TNFRSF21: variants seen among roughly 807,000 people sequenced by gnomAD.
TNFRSF21 encodes the protein tumor necrosis factor receptor superfamily member 21.
TNFRSF21 carries 19 observed loss-of-function variants against 45.6 expected under a neutral mutation model. The ratio of observed to expected loss-of-function variants is 0.42; its 90% CI spans 0.29 to 0.61. TNFRSF21 has a LOEUF of 0.61. Ranked by LOEUF, TNFRSF21 falls within the 20% of genes least tolerant of loss-of-function variation. The pLI is 0.23. For synonymous variants in TNFRSF21, 314 were observed against 335.5 expected (o/e 0.94, Z 0.70); for missense variants, 737 against 851.5 (o/e 0.87, Z 1.67).
chr6:47,277,283 C>T (rs1488532792), intron 3 of TNFRSF21, among the ~76,000 whole-genome samples: 2 of 152,228 alleles, frequency 1.3e-5, no homozygotes, highest in Admixed American at 6.5e-5. Flanking sequence ...TGAGCCACTG[C>T]GCCCAACCCC....
intron 4 of TNFRSF21, among the ~76,000 whole-genome samples, chr6:47,242,354 T>G (rs1235054869): frequency 6.6e-6 from 1 of 152,184 alleles, no homozygotes; most frequent in Admixed American, 6.5e-5. Context: ...GTTTCTCGCT[T>G]AAATACCCCA....
At chr6:47,245,544 G>T (rs9473034) in intron 4 of TNFRSF21, among the ~76,000 whole-genome samples, 71 of 150,848 alleles carry the variant, frequency 4.7e-4, no homozygotes, top group Non-Finnish European at 8.9e-4. Flanking sequence ...TTCTCCTTAC[G>T]ATCTGCATAC....
chr6:47,273,158 A>T (rs1762451586), intron 3 of TNFRSF21, among the ~76,000 whole-genome samples: 1 of 152,240 alleles, frequency 6.6e-6, no homozygotes, highest in African/African-American at 2.4e-5. Flanking sequence ...TCCCTAACTC[A>T]TTTTATGAGG....
chr6:47,270,418 G>A (rs1762398230), intron 3 of TNFRSF21, among the ~76,000 whole-genome samples: 1 of 152,154 alleles, frequency 6.6e-6, no homozygotes, highest in Non-Finnish European at 1.5e-5. Context: ...TGCAGCTGAG[G>A]GACCTGACTG....
chr6:47,296,819 T>C (rs949596936), intron 1 of TNFRSF21, among the ~76,000 whole-genome samples: 2 of 152,192 alleles, frequency 1.3e-5, no homozygotes, highest in Non-Finnish European at 2.9e-5. Flanking sequence ...GTATCCTTTA[T>C]TATATCTTTT....
Position 47,253,499 on chromosome 6 carries a change from T to A in TNFRSF21, c.1266A>T (p.Val422=). The A allele has an allele frequency of 6.2e-7, 1 of 1,612,576 alleles. No homozygotes were observed. Among genetic ancestry groups the A allele is most frequent in the Non-Finnish European group, 8.5e-7 (1 of 1,179,970 alleles). The change falls in exon 4 of 6, where the codon GTA becomes GTT. Residue 422 remains valine (V), a synonymous_variant. Transcript: ENST00000296861. ...NGHGIDILKL[V]AAQVGSQWKD... is the part of the protein sequence containing the mutation. The stretch of plus-strand genomic sequence containing the variant: ...TCCACTGGCTTCCCACTTGGGCTGC[T>A]ACAAGCTTCAGGATATCGATACCTA...
intron 3 of TNFRSF21, among the ~76,000 whole-genome samples, chr6:47,277,697 A>G (rs1762517233): frequency 6.6e-6 from 1 of 152,320 alleles, no homozygotes; most frequent in East Asian, 1.9e-4. Context: ...ATTCTAATGC[A>G]TTTTTTAAAA....
At chr6:47,285,094 GC>G (rs994671698) in intron 2 of TNFRSF21, among the ~76,000 whole-genome samples, 4 of 152,186 alleles carry the variant, frequency 2.6e-5, no homozygotes, top group Admixed American at 2.0e-4. Context: ...AGCTAGAGTG[GC>G]CATCTGAGCT....
intron 1 of TNFRSF21, among the ~76,000 whole-genome samples, chr6:47,291,764 A>G (rs557374025): frequency 1.3e-5 from 2 of 152,320 alleles, no homozygotes; most frequent in African/African-American, 4.8e-5. Context: ...AAGTCTGAAA[A>G]TCACTGAACT....
At chr6:47,244,475 T>G (rs1225742128) in intron 4 of TNFRSF21, among the ~76,000 whole-genome samples, 1 of 152,202 alleles carries the variant, frequency 6.6e-6, no homozygotes, top group African/African-American at 2.4e-5. Context: ...CTGTGATTAT[T>G]TTGTCTTTTG....
intron 4 of TNFRSF21, among the ~76,000 whole-genome samples, chr6:47,242,149 A>G (rs1397125379): frequency 6.6e-6 from 1 of 152,194 alleles, no homozygotes; most frequent in African/African-American, 2.4e-5. Context: ...AGCCTGCAGA[A>G]CAAACTCACC....
chr6:47,301,051 T>C (rs998296193), intron 1 of TNFRSF21, among the ~76,000 whole-genome samples: 1 of 152,184 alleles, frequency 6.6e-6, no homozygotes, highest in Non-Finnish European at 1.5e-5. Context: ...TAAAGAGAAT[T>C]CTACACCCAC....
At position 47,305,189 on chromosome 6, in the gene TNFRSF21, G is replaced by A. The variant is rs190725624; in HGVS notation, c.96+4227C>T. Among the ~76,000 whole-genome samples, 18 of 152,294 alleles carry A rather than the reference G, an allele frequency of 1.2e-4. No individual in the cohort carries two copies. The East Asian group carries it at 3.5e-3, about 29-fold the overall frequency. The stretch of plus-strand genomic sequence containing the variant: ...CCCAACCAGCACTGGTGATGGCCAT[G>A]CTCATTTTATATACCATACGAATTG... On this transcript the variant is annotated intron_variant, in intron 1 of 5. Coordinates refer to ENST00000296861, the MANE Select transcript of TNFRSF21 (RefSeq NM_014452.5).
intron 4 of TNFRSF21, 77 bp from the exon 5 acceptor site, chr6:47,234,975 T>A (rs1346976674): frequency 1.2e-6 from 1 of 861,624 alleles, no homozygotes; most frequent in African/African-American, 1.8e-5. Context: ...CAGAGGCTAT[T>A]TTTTTTGTTC....
chr6:47,252,186 G>C (rs1764909704), intron 4 of TNFRSF21, among the ~76,000 whole-genome samples: 1 of 152,138 alleles, frequency 6.6e-6, no homozygotes, highest in Admixed American at 6.5e-5. Flanking sequence ...GAAATACTTT[G>C]ATACACAAAA....
At chr6:47,261,904 C>T (rs1265071343) in intron 3 of TNFRSF21, among the ~76,000 whole-genome samples, 1 of 152,224 alleles carries the variant, frequency 6.6e-6, no homozygotes, top group African/African-American at 2.4e-5. Flanking sequence ...ATACCAACAG[C>T]AGTAACTTCC....
At chr6:47,233,314 A>C in intron 5 of TNFRSF21, among the ~76,000 whole-genome samples, 1 of 152,238 alleles carries the variant, frequency 6.6e-6, no homozygotes, top group East Asian at 1.9e-4. Flanking sequence ...ATTATTTTAG[A>C]ATTCAGAAGG....
chr6:47,309,486 G>C lies in TNFRSF21; in HGVS notation c.26C>G (p.Thr9Ser). The change falls in exon 1 of 6, where the codon ACC becomes AGC. Residue 9 changes from threonine (T) to serine (S), a missense_variant. Physicochemically the swap from Thr to Ser is moderately conservative, Grantham distance 58. Coordinates refer to ENST00000296861, the MANE Select transcript of TNFRSF21 (RefSeq NM_014452.5). ...GATGCGGCTGCAGGAGGCGAGGGCGGTGCTGCTGCTCGGAGAGGTCCCCAT... is the reference window on the plus strand; with the variant it reads ...GATGCGGCTGCAGGAGGCGAGGGCGCTGCTGCTGCTCGGAGAGGTCCCCAT... MGTSPSSSTALASCSRIAR... is the reference protein window; with the variant it reads MGTSPSSSSALASCSRIAR... The C allele has an allele frequency of 6.6e-7, 1 of 1,523,520 alleles. No homozygotes were observed. Among genetic ancestry groups the C allele is most frequent in the Non-Finnish European group, 8.7e-7 (1 of 1,142,900 alleles). 94.4% of individuals were successfully genotyped at this position (1,523,520 alleles called of 1,614,324 possible).
chr6:47,256,354 T>C (rs1161189662), intron 3 of TNFRSF21, among the ~76,000 whole-genome samples: 4 of 152,194 alleles, frequency 2.6e-5, no homozygotes, highest in African/African-American at 7.2e-5. Flanking sequence ...TGAAAACCCA[T>C]TTCTACAAAA....
Sources: gnomAD v4.1 joint callset for allele counts (sites outside exome capture counted in the v4.1 genomes callset) on GRCh38, gnomAD v4.1.1 for gene constraint, MANE v1.5 for transcripts, NCBI Gene and HGNC (gene_info 2026-07-23, HGNC 2026-07-21) for gene names.